Variants in ADGRL3 observed in about 807,000 individuals in gnomAD.
ADGRL3 encodes the protein adhesion G protein-coupled receptor L3.
A neutral mutation model predicts 153.5 loss-of-function variants in ADGRL3; 62 were observed. The ratio of observed to expected loss-of-function variants is 0.40; its 90% confidence interval spans 0.33 to 0.50. The LOEUF (loss-of-function observed/expected upper bound fraction) is 0.50. Among genes scored for constraint, ADGRL3 ranks in the 20% least tolerant of loss-of-function variants. The probability of loss-of-function intolerance (pLI) is 0.47; values close to 1 mark genes in which losing one functional copy is unlikely to be tolerated. For synonymous variants in ADGRL3, 710 were observed against 672.5 expected (o/e 1.06, Z -0.86); for missense variants, 1,641 against 1,859.4 (o/e 0.88, Z 2.16).
At chr4:61,274,319 C>G (rs1042062926) in intron 1 of ADGRL3, among the ~76,000 whole-genome samples, 1 of 152,074 alleles carries the variant, frequency 6.6e-6, no homozygotes, top group African/African-American at 2.4e-5. Flanking sequence ...ACTGCCATCT[C>G]CAGTATGAAA....
At chr4:61,883,700 A>G (rs1302573008) in intron 9 of ADGRL3, among the ~76,000 whole-genome samples, 1 of 152,142 alleles carries the variant, frequency 6.6e-6, no homozygotes, top group Non-Finnish European at 1.5e-5. Context: ...TTACTCTTAA[A>G]CATCTCATGA....
chr4:62,072,888 A>G lies in ADGRL3; in HGVS notation c.*1980A>G, dbSNP rs1470073133. The G allele has an allele frequency of 2.0e-5, 3 of 152,186 alleles. No homozygotes were observed. Among genetic ancestry groups the G allele is most frequent in the Non-Finnish European group, 4.4e-5 (3 of 68,038 alleles). The allele number at this position is 152,186 out of a possible 1,614,324, so 9.4% of individuals were successfully genotyped here. A position where few individuals can be genotyped will look rare whatever the true frequency, so the allele number is the denominator to read the frequency against. On this transcript the variant is annotated 3_prime_UTR_variant, in exon 27 of 27. Transcript: ENST00000683033. ...TCAATTTGCTAAAAGCTGCAAAGAG[A>G]ATATTCATTTTATAAAGATATAATA...
intron 6 of ADGRL3, among the ~76,000 whole-genome samples, chr4:61,703,767 C>G (rs920623709): frequency 6.6e-6 from 1 of 152,002 alleles, no homozygotes; most frequent in East Asian, 1.9e-4. Context: ...ATCACAGAAT[C>G]TATGTCTCTA....
chr4:61,647,278 C>T (rs556636674), intron 5 of ADGRL3, among the ~76,000 whole-genome samples: 2 of 152,126 alleles, frequency 1.3e-5, no homozygotes, highest in Non-Finnish European at 2.9e-5. Context: ...AGAGCTTTTC[C>T]TATTCGGCCA....
At chr4:61,204,724 A>G (rs1357303840) in intron 1 of ADGRL3, among the ~76,000 whole-genome samples, 1 of 152,204 alleles carries the variant, frequency 6.6e-6, no homozygotes, top group South Asian at 2.1e-4. Context: ...TGATTAACTC[A>G]AAGTTTTATA....
At position 61,868,354 on chromosome 4, in the gene ADGRL3, TTC is replaced by T. The variant is rs1265659600; in HGVS notation, c.1481-24296_1481-24295del. On this transcript the variant is annotated intron_variant, in intron 9 of 26. Transcript: ENST00000683033. ...ATCAAGCGATTTCTATCTCTTTTTC[TTC>T]TCTCTTTCTCTCATTATTAGCATCA... 3.3e-5 allele frequency among the ~76,000 whole-genome samples: 5 copies of T among 152,236 alleles called. No individual in the cohort carries two copies. The South Asian group carries it at 8.3e-4, about 25-fold the overall frequency.
intron 3 of ADGRL3, among the ~76,000 whole-genome samples, chr4:61,508,935 A>G (rs2098447100): frequency 6.6e-6 from 1 of 152,100 alleles, no homozygotes. Context: ...AAGAGGATGC[A>G]AAAGTGGAAA....
chr4:61,800,479 T>C (rs1387890838), intron 8 of ADGRL3, among the ~76,000 whole-genome samples: 1 of 152,154 alleles, frequency 6.6e-6, no homozygotes, highest in Non-Finnish European at 1.5e-5. Context: ...GTCTGTACCA[T>C]CTTCTTTTAG....
chr4:61,907,670 G>C (rs1399379663), intron 11 of ADGRL3, among the ~76,000 whole-genome samples: 1 of 151,334 alleles, frequency 6.6e-6, no homozygotes, highest in Non-Finnish European at 1.5e-5. Flanking sequence ...ATGATAAAAA[G>C]AGATATTGGG....
At chr4:61,563,615 C>T (rs987494644) in intron 4 of ADGRL3, among the ~76,000 whole-genome samples, 1 of 152,204 alleles carries the variant, frequency 6.6e-6, no homozygotes, top group Non-Finnish European at 1.5e-5. Flanking sequence ...CCACATTCAA[C>T]AAGTATCTTA....
At chr4:61,745,574 A>G (rs1181783174) in intron 8 of ADGRL3, among the ~76,000 whole-genome samples, 1 of 152,182 alleles carries the variant, frequency 6.6e-6, no homozygotes, top group African/African-American at 2.4e-5. Context: ...TAAAGAAAAG[A>G]ATTTTCAACC....
At chr4:61,574,488 A>G (rs1429608422) in intron 4 of ADGRL3, among the ~76,000 whole-genome samples, 1 of 151,916 alleles carries the variant, frequency 6.6e-6, no homozygotes, top group Non-Finnish European at 1.5e-5. Flanking sequence ...AAAATATTTT[A>G]TTACAAATAT....
intron 4 of ADGRL3, among the ~76,000 whole-genome samples, chr4:61,566,520 C>G (rs998950578): frequency 6.6e-6 from 1 of 151,876 alleles, no homozygotes; most frequent in East Asian, 1.9e-4. Context: ...TTTCCTCTGG[C>G]AGGTTTGTAC....
chr4:61,445,214 T>C (rs2097569282), intron 2 of ADGRL3, among the ~76,000 whole-genome samples: 1 of 152,152 alleles, frequency 6.6e-6, no homozygotes, highest in Non-Finnish European at 1.5e-5. Flanking sequence ...ATGGCACTGG[T>C]ACTAGGAGGA....
At chr4:61,488,102 A>G (rs1288734434) in intron 2 of ADGRL3, among the ~76,000 whole-genome samples, 2 of 152,054 alleles carry the variant, frequency 1.3e-5, no homozygotes, top group African/African-American at 4.8e-5. Context: ...TAGATAATAG[A>G]TGTGCTGCTC....
At chr4:61,493,103 G>A (rs780743152) in intron 2 of ADGRL3, among the ~76,000 whole-genome samples, 10 of 152,042 alleles carry the variant, frequency 6.6e-5, no homozygotes, top group Non-Finnish European at 1.0e-4. Flanking sequence ...AATTCAGAGT[G>A]GTGATATATA....
intron 1 of ADGRL3, among the ~76,000 whole-genome samples, chr4:61,275,249 A>G (rs1316798017): frequency 6.6e-6 from 1 of 152,150 alleles, no homozygotes; most frequent in Non-Finnish European, 1.5e-5. Flanking sequence ...CAGAGTAACT[A>G]TCTTTATAAG....
chr4:61,613,430 G>A lies in ADGRL3; in HGVS notation c.473+25990G>A, dbSNP rs141318960. Among the ~76,000 whole-genome samples the A allele has an allele frequency of 7.1e-3, 1,076 of 152,232 alleles. 7 individuals carry two copies. The highest frequency in any genetic ancestry group is 0.025 in the African/African-American group (1,024 of 41,542). ...ACTGATGTTTTCTAAAAATTGTTGT[G>A]TGTTTAAAAAGTTGATCAAAAGTTA... On this transcript the variant is annotated intron_variant, in intron 5 of 26. Transcript: ENST00000683033.
At chr4:61,261,186 CTTCTTTTTTTTT>C (rs2092482237) in intron 1 of ADGRL3, among the ~76,000 whole-genome samples, 2 of 89,364 alleles carry the variant, frequency 2.2e-5, no homozygotes, top group African/African-American at 3.6e-5. Context: ...TTTTCATCTT[CTTCTTTTTTTTT>C]TTTTTTTTTT....
Sources: allele counts gnomAD v4.1 joint callset (sites outside exome capture counted in the v4.1 genomes callset), GRCh38; gene constraint gnomAD v4.1.1; transcripts MANE v1.5; gene names NCBI Gene and HGNC (gene_info 2026-07-23, HGNC 2026-07-21).